The following NELL1 variants were observed in gnomAD, a reference collection of about 807,000 sequenced individuals.
The protein encoded by NELL1 is neural EGFL like 1, also known as protein kinase C-binding protein NELL1.
Under a neutral mutation model 107.4 loss-of-function variants are expected in NELL1, and 76 were observed. The observed-to-expected ratio is 0.71, with a 90% confidence interval of 0.59 to 0.86. The LOEUF is 0.86. Ranked by LOEUF, NELL1 falls within the 40% of genes least tolerant of loss-of-function variation. NELL1 has a pLI of 0.00. For missense variants in NELL1, 1,024 were observed against 1,005.5 expected (o/e 1.02, Z -0.25); for synonymous variants, 353 against 341.2 (o/e 1.03, Z -0.38).
intron 13 of NELL1, among the ~76,000 whole-genome samples, chr11:21,203,362 T>C (rs1291932133): frequency 6.6e-6 from 1 of 152,032 alleles, no homozygotes; most frequent in Admixed American, 6.5e-5. Context: ...ATTGATCCCA[T>C]TACCATTATG....
At chr11:20,796,346 A>T (rs1417204019) in intron 3 of NELL1, among the ~76,000 whole-genome samples, 4 of 152,216 alleles carry the variant, frequency 2.6e-5, no homozygotes, top group Non-Finnish European at 5.9e-5. Context: ...TGATTGAAGA[A>T]TATCAGAATG....
intron 7 of NELL1, among the ~76,000 whole-genome samples, chr11:20,919,912 G>T (rs947524511): frequency 1.3e-5 from 2 of 152,036 alleles, no homozygotes; most frequent in Admixed American, 6.6e-5. Flanking sequence ...CACTTAACAA[G>T]CATCTTTTGA....
At chr11:21,448,506 A>G (rs1482005188) in intron 15 of NELL1, among the ~76,000 whole-genome samples, 1 of 152,366 alleles carries the variant, frequency 6.6e-6, no homozygotes, top group East Asian at 1.9e-4. Flanking sequence ...ATACAGGTAC[A>G]AAGTTCACCT....
chr11:21,468,567 A>G (rs897205696), intron 15 of NELL1, among the ~76,000 whole-genome samples: 2 of 152,084 alleles, frequency 1.3e-5, no homozygotes, highest in Non-Finnish European at 2.9e-5. Context: ...TTGCTTCTAC[A>G]GTGGCAAATT....
At chr11:21,495,731 T>C (rs929425968) in intron 15 of NELL1, among the ~76,000 whole-genome samples, 1 of 152,142 alleles carries the variant, frequency 6.6e-6, no homozygotes, top group African/African-American at 2.4e-5. Flanking sequence ...CCTCCTTTTA[T>C]TTTTGATTTG....
intron 12 of NELL1, among the ~76,000 whole-genome samples, chr11:21,036,301 A>G (rs1271130317): frequency 5.3e-5 from 8 of 152,186 alleles, no homozygotes; most frequent in Admixed American, 5.2e-4. Context: ...TAAAATGGTC[A>G]TACTGCCCAA....
Position 20,704,450 on chromosome 11 carries a change from CTT to C in NELL1, c.184+26392_184+26393del, listed in dbSNP as rs1429502499. ...CACAGCACACTGATGGGTCTTGACT[CTT>C]TATCCAATTTGCCAGTCTGTGTCTT... On this transcript the variant is annotated intron_variant, in intron 2 of 19. Transcript: ENST00000357134. 1.2e-4 allele frequency among the ~76,000 whole-genome samples: 18 copies of C among 152,276 alleles called. No individual in the cohort carries two copies. The South Asian group carries it at 2.9e-3, about 25-fold the overall frequency.
chr11:21,222,147 GTTTC>G (rs1409279400), intron 13 of NELL1, among the ~76,000 whole-genome samples: 1 of 152,026 alleles, frequency 6.6e-6, no homozygotes, highest in African/African-American at 2.4e-5. Flanking sequence ...CAAGCTTTTT[GTTTC>G]TTTGATCTTT....
chr11:21,420,636 A>G (rs1394988830), intron 15 of NELL1, among the ~76,000 whole-genome samples: 1 of 152,178 alleles, frequency 6.6e-6, no homozygotes, highest in Admixed American at 6.5e-5. Context: ...CTGAAGAGTA[A>G]TTAGACTCCC....
At chr11:21,519,227 C>G (rs1855651380) in intron 15 of NELL1, among the ~76,000 whole-genome samples, 1 of 152,178 alleles carries the variant, frequency 6.6e-6, no homozygotes, top group Admixed American at 6.5e-5. Flanking sequence ...ATGCCCTTAT[C>G]TAGACAGATC....
chr11:20,898,132 G>A (rs373779232), intron 5 of NELL1, among the ~76,000 whole-genome samples: 7 of 152,212 alleles, frequency 4.6e-5, no homozygotes, highest in East Asian at 1.9e-4. Flanking sequence ...TATGTTTATC[G>A]CAGCACTATT....
intron 12 of NELL1, among the ~76,000 whole-genome samples, chr11:21,022,381 G>A (rs1407030963): frequency 2.0e-5 from 3 of 152,036 alleles, no homozygotes; most frequent in Non-Finnish European, 4.4e-5. Context: ...CTAGTTTTGG[G>A]GGAGATGCTC....
At chr11:21,485,486 A>G (rs1854602306) in intron 15 of NELL1, among the ~76,000 whole-genome samples, 1 of 151,538 alleles carries the variant, frequency 6.6e-6, no homozygotes, top group African/African-American at 2.4e-5. Flanking sequence ...TGGGTTCAAC[A>G]CTGCTGTTGC....
rs74881891 is a variant in NELL1 at position 21,123,940 on chromosome 11, T to C, written c.1426+10226T>C. Among the ~76,000 whole-genome samples, 222 of 152,298 alleles carry C rather than the reference T, an allele frequency of 1.5e-3. 3 individuals are homozygous for C. The East Asian group carries it at 0.038, about 26-fold the overall frequency. On this transcript the variant is annotated intron_variant, in intron 13 of 19. Coordinates refer to ENST00000357134, the MANE Select transcript of NELL1 (RefSeq NM_006157.5). ...TCATCTAACATGATTTAAGCAAGTA[T>C]GTATTTTATTTTTCACTTCAAATAA...
intron 2 of NELL1, among the ~76,000 whole-genome samples, chr11:20,733,786 C>A (rs999653855): frequency 6.6e-6 from 1 of 152,114 alleles, no homozygotes. Context: ...TTTATTCAAT[C>A]AACAAAATTT....
intron 15 of NELL1, among the ~76,000 whole-genome samples, chr11:21,448,887 G>A (rs530181602): frequency 2.6e-5 from 4 of 151,962 alleles, no homozygotes; most frequent in East Asian, 1.9e-4. Context: ...TGCTTCTATC[G>A]ATAGCTTATT....
intron 13 of NELL1, among the ~76,000 whole-genome samples, chr11:21,128,732 G>A (rs1253752430): frequency 6.6e-6 from 1 of 152,148 alleles, no homozygotes; most frequent in Non-Finnish European, 1.5e-5. Flanking sequence ...GGGGAGTGTG[G>A]TAGTAAATGA....
chr11:21,373,770 T>A (rs991399695), intron 15 of NELL1, among the ~76,000 whole-genome samples: 7 of 152,132 alleles, frequency 4.6e-5, no homozygotes, highest in African/African-American at 1.7e-4. Context: ...TTGCCTCCTT[T>A]GGTTTCTAAA....
chr11:20,703,931 G>C (rs1854867462), intron 2 of NELL1, among the ~76,000 whole-genome samples: 1 of 152,160 alleles, frequency 6.6e-6, no homozygotes, highest in South Asian at 2.1e-4. Flanking sequence ...CAACTATGTG[G>C]TCAATTTTGG....
Sources: gnomAD v4.1 joint callset for allele counts (sites outside exome capture counted in the v4.1 genomes callset) on GRCh38, gnomAD v4.1.1 for gene constraint, MANE v1.5 for transcripts, NCBI Gene and HGNC (gene_info 2026-07-23, HGNC 2026-07-21) for gene names.